Variants in TTC28 observed in about 807,000 individuals in gnomAD.
TTC28 encodes the protein tetratricopeptide repeat protein 28.
A neutral mutation model predicts 198.0 loss-of-function variants in TTC28; 61 were observed. That is an observed-to-expected ratio of 0.31 (90% CI 0.25 to 0.38). TTC28 has a LOEUF of 0.38. Ranked by LOEUF, TTC28 falls within the 10% of genes least tolerant of loss-of-function variation. The probability of loss-of-function intolerance (pLI) is 1.00; values close to 1 mark genes in which losing one functional copy is unlikely to be tolerated. For synonymous variants in TTC28, 1,171 were observed against 1,297.8 expected (o/e 0.90, Z 2.10); for missense variants, 2,678 against 3,164.0 (o/e 0.85, Z 3.69).
chr22:28,504,219 T>C (rs1159350810), intron 2 of TTC28, among the ~76,000 whole-genome samples: 1 of 152,222 alleles, frequency 6.6e-6, no homozygotes, highest in Non-Finnish European at 1.5e-5. Context: ...CTTTCAGGTA[T>C]ATCCTTCTAG....
At chr22:28,036,766 C>G (rs1408963453) in intron 12 of TTC28, among the ~76,000 whole-genome samples, 1 of 151,866 alleles carries the variant, frequency 6.6e-6, no homozygotes, top group Non-Finnish European at 1.5e-5. Flanking sequence ...ATTGACAGAC[C>G]GCTAGCAAGA....
At chr22:28,276,093 C>G (rs1932405349) in intron 5 of TTC28, among the ~76,000 whole-genome samples, 1 of 151,922 alleles carries the variant, frequency 6.6e-6, no homozygotes. Context: ...CTCACTGTAG[C>G]CTCCAACTCC....
At chr22:28,136,484 T>C (rs571852000) in intron 6 of TTC28, among the ~76,000 whole-genome samples, 2 of 152,314 alleles carry the variant, frequency 1.3e-5, no homozygotes, top group East Asian at 3.9e-4. Context: ...TCTCTCCTCA[T>C]GGACAGGTAA....
intron 5 of TTC28, among the ~76,000 whole-genome samples, chr22:28,183,095 G>A (rs1923863138): frequency 6.7e-6 from 1 of 148,210 alleles, no homozygotes; most frequent in Non-Finnish European, 1.5e-5. Context: ...GTCTCGCTCT[G>A]TCACCCAGGC....
chr22:28,486,615 C>T (rs1227612051), intron 2 of TTC28, among the ~76,000 whole-genome samples: 1 of 152,098 alleles, frequency 6.6e-6, no homozygotes, highest in Non-Finnish European at 1.5e-5. Flanking sequence ...AAATACAGAG[C>T]AAAGTCAAAT....
intron 6 of TTC28, among the ~76,000 whole-genome samples, chr22:28,158,658 G>A (rs1433486953): frequency 3.3e-5 from 5 of 152,080 alleles, no homozygotes; most frequent in Non-Finnish European, 7.4e-5. Context: ...AACATACACT[G>A]AGAAAAGACA....
intron 2 of TTC28, among the ~76,000 whole-genome samples, chr22:28,570,992 ATT>A (rs923475984): frequency 5.9e-5 from 9 of 151,286 alleles, no homozygotes; most frequent in Non-Finnish European, 8.9e-5. Flanking sequence ...TAAAGCTGGC[ATT>A]TTTTTTTCCT....
intron 12 of TTC28, among the ~76,000 whole-genome samples, chr22:28,075,919 G>A (rs150980172): frequency 6.5e-4 from 99 of 152,252 alleles, no homozygotes; most frequent in Middle Eastern, 6.8e-3. Context: ...GCTCCACACC[G>A]TGAGCTACTG....
intron 5 of TTC28, among the ~76,000 whole-genome samples, chr22:28,192,138 C>T (rs564095301): frequency 3.3e-5 from 5 of 152,272 alleles, no homozygotes; most frequent in South Asian, 2.1e-4. Context: ...CACCAATAAC[C>T]GCTGTTCTGC....
chr22:28,294,164 T>C (rs899469428), intron 5 of TTC28, among the ~76,000 whole-genome samples: 9 of 152,106 alleles, frequency 5.9e-5, no homozygotes, highest in African/African-American at 2.2e-4. Flanking sequence ...GCTACTGCAG[T>C]AGCAGCTATG....
chr22:28,277,337 T>A (rs2044491220), intron 5 of TTC28, among the ~76,000 whole-genome samples: 1 of 152,200 alleles, frequency 6.6e-6, no homozygotes, highest in South Asian at 2.1e-4. Flanking sequence ...TCAGGGAGAA[T>A]AAAAGATTCT....
intron 2 of TTC28, among the ~76,000 whole-genome samples, chr22:28,374,233 G>A (rs1310200820): frequency 6.6e-6 from 1 of 152,158 alleles, no homozygotes; most frequent in Non-Finnish European, 1.5e-5. Context: ...TTTGAAGAAA[G>A]AATTGCCATT....
intron 6 of TTC28, among the ~76,000 whole-genome samples, chr22:28,158,676 C>T (rs1943813956): frequency 6.6e-6 from 1 of 152,114 alleles, no homozygotes; most frequent in Non-Finnish European, 1.5e-5. Context: ...ACAGTCTCTT[C>T]AATAAATGGT....
At chr22:28,154,184 CCTA>C (rs1943687766) in intron 6 of TTC28, among the ~76,000 whole-genome samples, 1 of 152,100 alleles carries the variant, frequency 6.6e-6, no homozygotes, top group Non-Finnish European at 1.5e-5. Flanking sequence ...AGTCTAGTAA[CCTA>C]CTCTGCAGCA....
At chr22:28,398,003 T>A (rs1371969717) in intron 2 of TTC28, among the ~76,000 whole-genome samples, 4 of 152,198 alleles carry the variant, frequency 2.6e-5, no homozygotes, top group Non-Finnish European at 4.4e-5. Flanking sequence ...AGGCACCAGA[T>A]CAGGCTGGAT....
In TTC28 at chr22:28,289,977, C is replaced by A. The variant is rs564319642; in HGVS notation, c.933+6221G>T. Among the ~76,000 whole-genome samples, 57 of 152,100 alleles carry A rather than the reference C, an allele frequency of 3.7e-4. No homozygotes were observed. The East Asian group carries it at 9.9e-3, about 26-fold the overall frequency. On this transcript the variant is annotated intron_variant, in intron 5 of 22. Transcript: ENST00000397906. The stretch of plus-strand genomic sequence containing the variant: ...AGACAGAGGTTGCAGTGAGCCGAGA[C>A]TGCGCCATTGCACTCCAGCCTAGGC...
intron 14 of TTC28, among the ~76,000 whole-genome samples, chr22:28,003,950 T>C (rs1027916592): frequency 5.3e-5 from 8 of 152,138 alleles, no homozygotes; most frequent in African/African-American, 1.9e-4. Context: ...CTGGGGACCG[T>C]AGGGAAGTCA....
At chr22:28,078,880 G>C (rs1188374040) in intron 12 of TTC28, among the ~76,000 whole-genome samples, 1 of 152,160 alleles carries the variant, frequency 6.6e-6, no homozygotes, top group East Asian at 1.9e-4. Flanking sequence ...CACAACAAGA[G>C]CAGGGGGCAG....
At chr22:27,992,706 TG>T (rs1385624709) in intron 18 of TTC28, 43 bp from the exon 19 acceptor site, 1 of 1,534,458 alleles carries the variant, frequency 6.5e-7, no homozygotes, top group African/African-American at 1.4e-5. Flanking sequence ...GAAGGGCCTC[TG>T]CACCCAAAAG....
Sources: allele counts gnomAD v4.1 joint callset (sites outside exome capture counted in the v4.1 genomes callset), GRCh38; gene constraint gnomAD v4.1.1; transcripts MANE v1.5; gene names NCBI Gene and HGNC (gene_info 2026-07-23, HGNC 2026-07-21).